CADM2: variants seen among roughly 807,000 people sequenced by gnomAD.
The protein encoded by CADM2 is immunoglobulin superfamily member 4D.
In CADM2, 12 loss-of-function variants were observed where a neutral mutation model predicts 49.8. That is an observed-to-expected ratio of 0.24 (90% CI 0.15 to 0.39). The LOEUF (loss-of-function observed/expected upper bound fraction) is 0.39, where lower values mean the gene tolerates loss of function less well. Among genes scored for constraint, CADM2 ranks in the 10% least tolerant of loss-of-function variants. The probability of loss-of-function intolerance (pLI) is 1.00; values close to 1 mark genes in which losing one functional copy is unlikely to be tolerated. For synonymous variants in CADM2, 214 were observed against 175.4 expected (o/e 1.22, Z -1.74); for missense variants, 378 against 492.3 (o/e 0.77, Z 2.20).
intron 8 of CADM2, among the ~76,000 whole-genome samples, chr3:86,055,530 G>A (rs1020147978): frequency 2.2e-5 from 3 of 136,508 alleles, no homozygotes; most frequent in Non-Finnish European, 4.6e-5. Context: ...GCAGTAGCGC[G>A]ATCTCAGCTC....
At position 84,989,933 on chromosome 3, in the gene CADM2, AT is replaced by A. The variant is rs1378290247; in HGVS notation, c.61+30268del. Among the ~76,000 whole-genome samples, 4 of 151,970 alleles carry A rather than the reference AT, an allele frequency of 2.6e-5. No individual in the cohort carries two copies. The East Asian group carries it at 5.8e-4, about 22-fold the overall frequency. ...AAAACTGCAGTAAAAGAAAAAAGTTATTTAAAAATGAAAGAAACTTATAACT... is the reference window on the plus strand; with the variant it reads ...AAAACTGCAGTAAAAGAAAAAAGTTATTAAAAATGAAAGAAACTTATAACT... On this transcript the variant is annotated intron_variant, in intron 1 of 9. Coordinates refer to ENST00000383699, the MANE Select transcript of CADM2 (RefSeq NM_001167675.2).
chr3:85,154,141 G>A (rs145100502), intron 1 of CADM2, among the ~76,000 whole-genome samples: 7,725 of 152,202 alleles, frequency 0.051, 263 homozygotes, highest in East Asian at 0.14. Flanking sequence ...AAATTACTCC[G>A]AGCTACGGGA....
intron 1 of CADM2, among the ~76,000 whole-genome samples, chr3:85,010,732 T>C (rs967340337): frequency 6.6e-6 from 1 of 151,906 alleles, no homozygotes; most frequent in Non-Finnish European, 1.5e-5. Context: ...ATTTTTTTTT[T>C]CTCCTAAATG....
At chr3:85,829,180 T>C (rs1026707369) in intron 3 of CADM2, among the ~76,000 whole-genome samples, 7 of 151,986 alleles carry the variant, frequency 4.6e-5, no homozygotes. Context: ...AGTAATTATA[T>C]CCTAATTTCA....
At chr3:85,936,597 T>A (rs950242562) in intron 7 of CADM2, among the ~76,000 whole-genome samples, 2 of 151,866 alleles carry the variant, frequency 1.3e-5, no homozygotes, top group Non-Finnish European at 2.9e-5. Context: ...GATTCCAATT[T>A]ATTTTAATTC....
At chr3:85,118,035 A>T (rs1056208931) in intron 1 of CADM2, among the ~76,000 whole-genome samples, 2 of 151,976 alleles carry the variant, frequency 1.3e-5, no homozygotes, top group African/African-American at 2.4e-5. Context: ...TTCTTCTGTG[A>T]CTTCTCTTCG....
intron 8 of CADM2, chr3:86,013,783 CT>C (rs1731847609): frequency 1.3e-6 from 2 of 1,589,692 alleles, no homozygotes; most frequent in East Asian, 4.5e-5. Flanking sequence ...ACTATGATAA[CT>C]GAGAAGTGGG....
At chr3:85,005,449 T>C (rs2033672182) in intron 1 of CADM2, among the ~76,000 whole-genome samples, 1 of 152,138 alleles carries the variant, frequency 6.6e-6, no homozygotes, top group Non-Finnish European at 1.5e-5. Context: ...TTACTACATA[T>C]GCTGATTGGA....
chr3:85,057,385 T>A (rs889312109), intron 1 of CADM2, among the ~76,000 whole-genome samples: 2 of 152,028 alleles, frequency 1.3e-5, no homozygotes, highest in African/African-American at 4.8e-5. Context: ...AATCTTCAAT[T>A]TTACACAAAT....
intron 7 of CADM2, among the ~76,000 whole-genome samples, chr3:85,943,655 A>C (rs1033686009): frequency 1.3e-5 from 2 of 151,976 alleles, no homozygotes; most frequent in African/African-American, 2.4e-5. Flanking sequence ...ACTATACTAC[A>C]AGGCTACAGT....
chr3:85,176,752 T>C (rs2040797378), intron 1 of CADM2, among the ~76,000 whole-genome samples: 1 of 152,172 alleles, frequency 6.6e-6, no homozygotes, highest in Admixed American at 6.5e-5. Flanking sequence ...CTACAAAAGA[T>C]AAAGCTGGAA....
rs140749386 is a variant in CADM2, at chr3:85,055,134, A to C, written c.61+95466A>C. On this transcript the variant is annotated intron_variant, in intron 1 of 9. Transcript: ENST00000383699. ...CCATCATTCTATTCATTTTCATTCA[A>C]TGCATTCTTACTCGTAATAATGAAC... is the stretch of plus-strand genomic sequence containing the variant. Among the ~76,000 whole-genome samples the C allele has an allele frequency of 4.7e-3, 709 of 151,990 alleles. 6 individuals are homozygous for C. The highest frequency in any genetic ancestry group is 0.016 in the South Asian group (75 of 4,820).
In CADM2 at chr3:85,298,830, A is replaced by C. The variant is rs114097024; in HGVS notation, c.61+339162A>C. ...ACAAAAACTCAGTAAGAAGGATAAC[A>C]TATAGTCATTGAGTTATTGACTAAA... On this transcript the variant is annotated intron_variant, in intron 1 of 9. Transcript: ENST00000383699. Among the ~76,000 whole-genome samples the C allele has an allele frequency of 4.5e-3, 688 of 152,270 alleles. 3 individuals are homozygous for C. The highest frequency in any genetic ancestry group is 0.016 in the African/African-American group (658 of 41,588).
intron 1 of CADM2, among the ~76,000 whole-genome samples, chr3:85,123,558 A>G (rs547905658): frequency 6.6e-6 from 1 of 152,256 alleles, no homozygotes; most frequent in Admixed American, 6.5e-5. Context: ...AAGTATTTAG[A>G]CATTTATTTA....
intron 3 of CADM2, among the ~76,000 whole-genome samples, chr3:85,814,540 T>C (rs1406590193): frequency 4.6e-5 from 7 of 152,040 alleles, no homozygotes; most frequent in South Asian, 2.1e-4. Flanking sequence ...CTGAAGGAGA[T>C]AGAGACACAA....
intron 8 of CADM2, among the ~76,000 whole-genome samples, chr3:86,040,033 G>A (rs1396180339): frequency 6.6e-6 from 1 of 152,160 alleles, no homozygotes; most frequent in Non-Finnish European, 1.5e-5. Context: ...CTGACTGTTA[G>A]AAGGAAAACT....
At position 85,882,049 on chromosome 3, in the gene CADM2, G is replaced by A. The variant is rs138414561; in HGVS notation, c.239-1242G>A. ...TGTGTGACCCAGTTCCTAACAGACTGCAAACTGGTACTGGCCCATGGCCTA... is the reference window on the plus strand; with the variant it reads ...TGTGTGACCCAGTTCCTAACAGACTACAAACTGGTACTGGCCCATGGCCTA... On this transcript the variant is annotated intron_variant, in intron 3 of 9. Coordinates refer to ENST00000383699, the MANE Select transcript of CADM2 (RefSeq NM_001167675.2). Among the ~76,000 whole-genome samples, 353 of 152,198 alleles carry A rather than the reference G, an allele frequency of 2.3e-3. 4 individuals carry two copies. Among genetic ancestry groups the A allele is most frequent in the African/African-American group, 8.3e-3 (343 of 41,530 alleles).
chr3:85,836,433 C>G (rs2074413222), intron 3 of CADM2, among the ~76,000 whole-genome samples: 2 of 151,596 alleles, frequency 1.3e-5, no homozygotes, highest in South Asian at 4.1e-4. Context: ...TAGAAACAAC[C>G]TGATCAAGGC....
chr3:85,336,870 T>TTA (rs549455293), intron 1 of CADM2, among the ~76,000 whole-genome samples: 195 of 144,984 alleles, frequency 1.3e-3, no homozygotes, highest in African/African-American at 4.8e-3. Context: ...CTAAATAAAT[T>TTA]TATATATATA....
Sources: allele counts gnomAD v4.1 joint callset (sites outside exome capture counted in the v4.1 genomes callset), GRCh38; gene constraint gnomAD v4.1.1; transcripts MANE v1.5; gene names NCBI Gene and HGNC (gene_info 2026-07-23, HGNC 2026-07-21).